The following OXR1 variants were observed in gnomAD, a reference collection of about 807,000 sequenced individuals.
OXR1 encodes the protein oxidation resistance protein 1.
OXR1 carries 41 observed loss-of-function variants against 104.6 expected under a neutral mutation model. The ratio of observed to expected loss-of-function variants is 0.39; its 90% CI spans 0.31 to 0.51. OXR1 has a LOEUF of 0.51. Ranked by LOEUF, OXR1 falls within the 20% of genes least tolerant of loss-of-function variation. The pLI, the probability that OXR1 is intolerant of heterozygous loss-of-function variation, is 0.77. For missense variants in OXR1, 955 were observed against 1,031.9 expected (o/e 0.93, Z 1.02); for synonymous variants, 348 against 348.4 (o/e 1.00, Z 0.01).
At chr8:106,455,915 G>A (rs1563533902) in intron 2 of OXR1, among the ~76,000 whole-genome samples, 1 of 152,068 alleles carries the variant, frequency 6.6e-6, no homozygotes, top group South Asian at 2.1e-4. Context: ...ATTCAATGCT[G>A]TTTAGTCACA....
intron 10 of OXR1, among the ~76,000 whole-genome samples, chr8:106,712,324 T>C (rs1034757776): frequency 6.6e-6 from 1 of 152,082 alleles, no homozygotes; most frequent in Non-Finnish European, 1.5e-5. Flanking sequence ...TATTACCCAG[T>C]CTTTATAATC....
intron 2 of OXR1, among the ~76,000 whole-genome samples, chr8:106,488,906 G>C (rs142571797): frequency 6.6e-6 from 1 of 150,928 alleles, no homozygotes; most frequent in Non-Finnish European, 1.5e-5. Context: ...TGGGGATGCG[G>C]GCTCTTTTTT....
At chr8:106,673,871 G>C (rs1040796839) in intron 3 of OXR1, among the ~76,000 whole-genome samples, 6 of 152,188 alleles carry the variant, frequency 3.9e-5, no homozygotes, top group Non-Finnish European at 7.3e-5. Flanking sequence ...TGGGTGCCCA[G>C]AACTCATGAA....
At chr8:106,577,191 C>T (rs927654537) in intron 3 of OXR1, among the ~76,000 whole-genome samples, 9 of 150,874 alleles carry the variant, frequency 6.0e-5, no homozygotes, top group South Asian at 2.1e-4. Flanking sequence ...CAAAGCTATC[C>T]GTTTTTTTTG....
At chr8:106,303,258 T>C (rs1210492982) in intron 1 of OXR1, among the ~76,000 whole-genome samples, 31 of 142,608 alleles carry the variant, frequency 2.2e-4, no homozygotes, top group African/African-American at 6.7e-4. Context: ...CTTTTTTTTT[T>C]TTTTTTTTTT....
chr8:106,498,504 G>A (rs999235779), intron 2 of OXR1, among the ~76,000 whole-genome samples: 3 of 152,132 alleles, frequency 2.0e-5, no homozygotes, highest in Admixed American at 1.3e-4. Flanking sequence ...AGCTTTATAC[G>A]AAATCCAGAA....
chr8:106,378,907 A>G (rs1017568405), intron 2 of OXR1, among the ~76,000 whole-genome samples: 1 of 152,194 alleles, frequency 6.6e-6, no homozygotes, highest in East Asian at 1.9e-4. Context: ...TATTCATTAC[A>G]CTGCTGAGTC....
At chr8:106,603,656 C>T (rs1011218571) in intron 3 of OXR1, among the ~76,000 whole-genome samples, 19 of 152,154 alleles carry the variant, frequency 1.2e-4, no homozygotes, top group Middle Eastern at 3.4e-3. Context: ...TAATATGGAA[C>T]GTGTAATTCT....
At chr8:106,469,440 G>C (rs1821367029) in intron 2 of OXR1, among the ~76,000 whole-genome samples, 1 of 151,796 alleles carries the variant, frequency 6.6e-6, no homozygotes, top group African/African-American at 2.4e-5. Context: ...CTTAAATTGG[G>C]ATGGCAGGAG....
chr8:106,589,046 CTCCT>C (rs35107002), intron 3 of OXR1, among the ~76,000 whole-genome samples: 60,295 of 151,786 alleles, frequency 0.4, 13,228 homozygotes, highest in African/African-American at 0.59. Context: ...GAGGTGCAGG[CTCCT>C]TCCTGCCTTT....
At chr8:106,746,202 T>A (rs1835380930) in intron 16 of OXR1, among the ~76,000 whole-genome samples, 1 of 87,162 alleles carries the variant, frequency 1.1e-5, no homozygotes, top group South Asian at 3.9e-4. Context: ...TGTGATGGAA[T>A]ATTTTATTTC....
intron 3 of OXR1, among the ~76,000 whole-genome samples, chr8:106,662,398 G>A (rs1254400564): frequency 1.3e-5 from 2 of 152,092 alleles, no homozygotes; most frequent in African/African-American, 2.4e-5. Flanking sequence ...TTTCATTTTA[G>A]GTTTACATTA....
At chr8:106,271,320 G>A (rs1811795737) in intron 1 of OXR1, among the ~76,000 whole-genome samples, 1 of 152,138 alleles carries the variant, frequency 6.6e-6, no homozygotes, top group Non-Finnish European at 1.5e-5. Context: ...ACATTAGGCA[G>A]TGGGGAAGGT....
At chr8:106,361,111 CTG>C (rs1816227114) in intron 2 of OXR1, among the ~76,000 whole-genome samples, 1 of 152,180 alleles carries the variant, frequency 6.6e-6, no homozygotes, top group African/African-American at 2.4e-5. Context: ...AAGAGAGAGA[CTG>C]CATGTCATGG....
chr8:106,449,961 A>G (rs1292278872), intron 2 of OXR1, among the ~76,000 whole-genome samples: 1 of 152,190 alleles, frequency 6.6e-6, no homozygotes, highest in African/African-American at 2.4e-5. Context: ...AACAAAAATA[A>G]CAATATAAAC....
At chr8:106,433,540 CAG>C (rs1243292758) in intron 2 of OXR1, among the ~76,000 whole-genome samples, 2 of 152,156 alleles carry the variant, frequency 1.3e-5, no homozygotes, top group Non-Finnish European at 2.9e-5. Flanking sequence ...AATTTTGTTT[CAG>C]AGTCAAACCA....
chr8:106,331,209 A>G (rs1814700411), intron 1 of OXR1, among the ~76,000 whole-genome samples: 1 of 152,178 alleles, frequency 6.6e-6, no homozygotes, highest in Admixed American at 6.5e-5. Flanking sequence ...CCCCAAGTAA[A>G]CAAACATCTC....
intron 2 of OXR1, among the ~76,000 whole-genome samples, chr8:106,482,831 A>C (rs1822215774): frequency 6.6e-6 from 1 of 151,152 alleles, no homozygotes. Flanking sequence ...GTGGTTTTAC[A>C]CATGTCATGA....
At chr8:106,312,968 A>G (rs960600888) in intron 1 of OXR1, among the ~76,000 whole-genome samples, 2 of 152,156 alleles carry the variant, frequency 1.3e-5, no homozygotes, top group Non-Finnish European at 2.9e-5. Context: ...ACCACATAGT[A>G]TGTATTTTGG....
Sources: gnomAD v4.1 joint callset for allele counts (sites outside exome capture counted in the v4.1 genomes callset) on GRCh38, gnomAD v4.1.1 for gene constraint, MANE v1.5 for transcripts, NCBI Gene and HGNC (gene_info 2026-07-23, HGNC 2026-07-21) for gene names.